The following SLC16A9 variants were observed in gnomAD, a reference collection of about 807,000 sequenced individuals.
SLC16A9 encodes solute carrier family 16 member 9, also known as monocarboxylate transporter 9.
In SLC16A9, 26 loss-of-function variants were observed where a neutral mutation model predicts 44.3. That is an observed-to-expected ratio of 0.59 (90% confidence interval 0.43 to 0.81). The LOEUF (loss-of-function observed/expected upper bound fraction) is 0.81, where lower values mean the gene tolerates loss of function less well. SLC16A9 is among the 40% of genes least tolerant of loss of function. SLC16A9 has a pLI of 0.00. For missense variants in SLC16A9, 559 were observed against 595.8 expected (o/e 0.94, Z 0.64); for synonymous variants, 230 against 225.1 (o/e 1.02, Z -0.19).
At chr10:59,710,008 C>G (rs954577586), upstream of SLC16A9, 1 of 152,188 alleles carries the variant, frequency 6.6e-6, no homozygotes, top group African/African-American at 2.4e-5. Flanking sequence ...GGCCCCGGCC[C>G]TACCAGGCCT....
In SLC16A9 at chr10:59,653,550, A is replaced by G. The variant is rs74152104; in HGVS notation, c.1351+125T>C. ...AAGCAGTCTTGAATAAATCATTACC[A>G]TGAGATGTTCCATGCAGATTTCTTT... On this transcript the variant is annotated intron_variant, in intron 5 of 5. Transcript: ENST00000395348. 733 of 734,822 alleles carry G rather than the reference A, an allele frequency of 1.0e-3. 8 individuals are homozygous for G. In the African/African-American group the frequency reaches 0.011, roughly 11 times the overall value. The allele number at this position is 734,822 out of a possible 1,614,324, so 45.5% of individuals were successfully genotyped here.
intron 1 of SLC16A9, among the ~76,000 whole-genome samples, chr10:59,706,935 C>T (rs1005473488): frequency 2.0e-5 from 3 of 147,826 alleles, no homozygotes; most frequent in South Asian, 4.3e-4. Flanking sequence ...GATTGAGCCA[C>T]TGCACTCCAG....
At chr10:59,701,845 C>T (rs1328939319) in intron 1 of SLC16A9, among the ~76,000 whole-genome samples, 1 of 152,226 alleles carries the variant, frequency 6.6e-6, no homozygotes, top group Non-Finnish European at 1.5e-5. Flanking sequence ...TTCTACTCTT[C>T]CTTCAAGACT....
chr10:59,699,917 C>CACAG (rs1378730376), intron 1 of SLC16A9, among the ~76,000 whole-genome samples: 5 of 151,614 alleles, frequency 3.3e-5, no homozygotes. Flanking sequence ...CACACACACA[C>CACAG]ACACACACAC....
intron 1 of SLC16A9, among the ~76,000 whole-genome samples, chr10:59,696,456 ACCT>A (rs1307245958): frequency 6.6e-6 from 1 of 151,836 alleles, no homozygotes; most frequent in Non-Finnish European, 1.5e-5. Context: ...GCTCGCTACA[ACCT>A]CCACCTCCCA....
At chr10:59,702,829 A>G (rs1449822659) in intron 1 of SLC16A9, among the ~76,000 whole-genome samples, 1 of 152,266 alleles carries the variant, frequency 6.6e-6, no homozygotes, top group Non-Finnish European at 1.5e-5. Flanking sequence ...CACTTAATTT[A>G]TCCATCTAGT....
At chr10:59,696,369 T>G (rs1164878524) in intron 1 of SLC16A9, among the ~76,000 whole-genome samples, 3 of 152,228 alleles carry the variant, frequency 2.0e-5, no homozygotes, top group African/African-American at 7.2e-5. Context: ...GCCTCCCGAG[T>G]TGCCGGGATG....
intron 1 of SLC16A9, among the ~76,000 whole-genome samples, chr10:59,695,659 G>T (rs937246157): frequency 3.6e-4 from 55 of 152,024 alleles, no homozygotes; most frequent in African/African-American, 1.3e-3. Flanking sequence ...AATACAATCA[G>T]GAAATTATGT....
intron 1 of SLC16A9, among the ~76,000 whole-genome samples, chr10:59,702,385 G>T (rs983001121): frequency 6.6e-6 from 1 of 152,154 alleles, no homozygotes; most frequent in African/African-American, 2.4e-5. Context: ...AACATTCAGT[G>T]ATGGTTAACA....
chr10:59,693,346 C>G (rs1840293488), intron 1 of SLC16A9, among the ~76,000 whole-genome samples: 1 of 152,166 alleles, frequency 6.6e-6, no homozygotes, highest in Admixed American at 6.5e-5. Flanking sequence ...AATTTTGTCA[C>G]TTTCCAATGA....
In SLC16A9 at chr10:59,654,421, A is replaced by AT. The variant is rs1564694371; in HGVS notation, c.604dup (p.Ile202AsnfsTer9). 3.1e-6 allele frequency: 5 copies of AT among 1,613,530 alleles called. No homozygotes were observed. The highest frequency in any genetic ancestry group is 1.3e-5 in the African/African-American group (1 of 74,972). On this transcript the variant is annotated frameshift_variant, in exon 5 of 6. Transcript: ENST00000395348. LOFTEE classifies it high-confidence loss of function. The stretch of plus-strand genomic sequence containing the variant: ...TTTATCTGGTAGATCTTCTGGAGCT[A>AT]TTTTTTTAGGCAAAGGACAATCAGA...
rs147099640 is a variant in SLC16A9, at chr10:59,693,050, G to A, written c.-36-8723C>T. ...TGAGTCCGCCTTCTCCATACCACAT[G>A]TAATATTCTACTTCTACTTTTGCCT... On this transcript the variant is annotated intron_variant, in intron 1 of 5. Transcript: ENST00000395348. Among the ~76,000 whole-genome samples the A allele has an allele frequency of 2.6e-3, 402 of 152,306 alleles. 2 individuals are homozygous for A. Among genetic ancestry groups the A allele is most frequent in the African/African-American group, 9.1e-3 (380 of 41,574 alleles).
intron 4 of SLC16A9, among the ~76,000 whole-genome samples, chr10:59,661,928 C>A (rs1839483671): frequency 6.6e-6 from 1 of 151,986 alleles, no homozygotes; most frequent in South Asian, 2.1e-4. Flanking sequence ...AACAGGCTAG[C>A]CATATGCAGA....
intron 2 of SLC16A9, among the ~76,000 whole-genome samples, chr10:59,683,538 G>A (rs916937423): frequency 6.6e-6 from 1 of 152,138 alleles, no homozygotes; most frequent in Non-Finnish European, 1.5e-5. Context: ...ATTGGATTTT[G>A]TGAGACTCTT....
At chr10:59,676,239 A>G (rs1423092599) in intron 2 of SLC16A9, among the ~76,000 whole-genome samples, 3 of 152,248 alleles carry the variant, frequency 2.0e-5, no homozygotes, top group African/African-American at 7.2e-5. Flanking sequence ...GATTCTATTC[A>G]CATAGATTTA....
chr10:59,693,340 T>C (rs1840293350), intron 1 of SLC16A9, among the ~76,000 whole-genome samples: 5 of 152,218 alleles, frequency 3.3e-5, no homozygotes, highest in Admixed American at 3.3e-4. Flanking sequence ...TAGATCAATT[T>C]TGTCACTTTC....
At chr10:59,703,259 C>A (rs886757472) in intron 1 of SLC16A9, among the ~76,000 whole-genome samples, 1 of 152,158 alleles carries the variant, frequency 6.6e-6, no homozygotes, top group Non-Finnish European at 1.5e-5. Flanking sequence ...ATAGCTAGGA[C>A]TACAGGCAGG....
intron 4 of SLC16A9, among the ~76,000 whole-genome samples, chr10:59,661,482 TC>T (rs1482262279): frequency 6.6e-6 from 1 of 152,046 alleles, no homozygotes; most frequent in Non-Finnish European, 1.5e-5. Flanking sequence ...AAACCACTGC[TC>T]AAGGAAATAA....
intron 3 of SLC16A9, 72 bp from the exon 4 acceptor site, chr10:59,664,394 A>G: frequency 1.0e-6 from 1 of 1,000,786 alleles, no homozygotes; most frequent in Non-Finnish European, 1.5e-6. Flanking sequence ...AGGAAAAACA[A>G]GTATGTCCGA....
Sources: allele counts gnomAD v4.1 joint callset (sites outside exome capture counted in the v4.1 genomes callset), GRCh38; gene constraint gnomAD v4.1.1; transcripts MANE v1.5; gene names NCBI Gene and HGNC (gene_info 2026-07-23, HGNC 2026-07-21).